The following SLC24A3 variants were observed in gnomAD, a reference collection of about 807,000 sequenced individuals.
SLC24A3 encodes the protein sodium/potassium/calcium exchanger 3.
SLC24A3 carries 28 observed loss-of-function variants against 75.8 expected under a neutral mutation model. That is an observed-to-expected ratio of 0.37 (90% CI 0.27 to 0.51). The LOEUF (loss-of-function observed/expected upper bound fraction) is 0.51. Among genes scored for constraint, SLC24A3 ranks in the 20% least tolerant of loss-of-function variants. The pLI is 0.94. For synonymous variants in SLC24A3, 372 were observed against 334.1 expected (o/e 1.11, Z -1.24); for missense variants, 663 against 847.8 (o/e 0.78, Z 2.71).
intron 2 of SLC24A3, among the ~76,000 whole-genome samples, chr20:19,514,145 T>A (rs2029937458): frequency 6.6e-6 from 1 of 152,174 alleles, no homozygotes; most frequent in East Asian, 1.9e-4. Context: ...CAGTGACCGA[T>A]GGCTTGTGTC....
At chr20:19,267,339 A>C (rs1393506383) in intron 1 of SLC24A3, among the ~76,000 whole-genome samples, 1 of 152,226 alleles carries the variant, frequency 6.6e-6, no homozygotes, top group African/African-American at 2.4e-5. Flanking sequence ...AATGGAAGAA[A>C]AGCACTATGG....
In SLC24A3 at chr20:19,608,277, T is replaced by A. The variant is rs1483470090; in HGVS notation, c.612+22733T>A. On this transcript the variant is annotated intron_variant, in intron 6 of 16. Coordinates refer to ENST00000328041, the MANE Select transcript of SLC24A3 (RefSeq NM_020689.4). ...TGGTATTTGCTTTCTTTGGTGATGA[T>A]GATATGGAGTAAGAGTGTATAGAAA... 2.0e-5 allele frequency among the ~76,000 whole-genome samples: 3 copies of A among 152,352 alleles called. No individual in the cohort carries two copies. The East Asian group carries it at 5.8e-4, about 29-fold the overall frequency.
chr20:19,291,536 G>A (rs1983941623), intron 2 of SLC24A3, among the ~76,000 whole-genome samples: 1 of 152,244 alleles, frequency 6.6e-6, no homozygotes. Context: ...ATAGGTACAT[G>A]TCTAGGCTAT....
intron 1 of SLC24A3, among the ~76,000 whole-genome samples, chr20:19,257,243 T>G (rs1318847957): frequency 6.6e-6 from 1 of 152,218 alleles, no homozygotes; most frequent in African/African-American, 2.4e-5. Context: ...CCTGCCTCCG[T>G]AAGCAGCCTG....
chr20:19,630,671 T>C (rs1041456191), intron 6 of SLC24A3, among the ~76,000 whole-genome samples: 1 of 152,240 alleles, frequency 6.6e-6, no homozygotes, highest in Non-Finnish European at 1.5e-5. Flanking sequence ...CAGCAATATA[T>C]AACCTCATTT....
rs190328218 is a variant in SLC24A3, at chr20:19,247,259, T to C, written c.143-33700T>C. ...CATTGCCTGGTGAGTGAGCCTTCCA[T>C]TTTAGGTACAGAAAGAATTCTGTGT... On this transcript the variant is annotated intron_variant, in intron 1 of 16. Transcript: ENST00000328041. 9.2e-5 allele frequency among the ~76,000 whole-genome samples: 14 copies of C among 152,308 alleles called. No individual in the cohort carries two copies. In the East Asian group the frequency reaches 2.7e-3, roughly 29 times the overall value.
intron 3 of SLC24A3, among the ~76,000 whole-genome samples, chr20:19,532,123 C>T (rs1227230749): frequency 6.6e-6 from 1 of 152,176 alleles, no homozygotes; most frequent in Non-Finnish European, 1.5e-5. Context: ...GAGCAGTGGA[C>T]ATGTTGTTTG....
intron 9 of SLC24A3, among the ~76,000 whole-genome samples, chr20:19,676,599 A>T (rs1232898921): frequency 1.3e-5 from 2 of 152,390 alleles, no homozygotes; most frequent in Non-Finnish European, 2.9e-5. Context: ...AATTAAAAAT[A>T]TAAAACAGCA....
intron 12 of SLC24A3, among the ~76,000 whole-genome samples, chr20:19,690,030 C>CAAAAAAAA (rs538406361): frequency 9.1e-5 from 8 of 87,794 alleles, no homozygotes; most frequent in Non-Finnish European, 1.4e-4. Flanking sequence ...GACTCTGTCT[C>CAAAAAAAA]AAAAAAAAAA....
intron 6 of SLC24A3, among the ~76,000 whole-genome samples, chr20:19,639,746 T>C (rs1381661199): frequency 6.6e-6 from 1 of 152,206 alleles, no homozygotes; most frequent in Admixed American, 6.5e-5. Context: ...GGCTCAGGCA[T>C]GGCGGGCTGC....
chr20:19,678,726 G>GGCTGCACTCTGGGCACTTT, intron 9 of SLC24A3, among the ~76,000 whole-genome samples: 1 of 150,238 alleles, frequency 6.7e-6, no homozygotes, highest in African/African-American at 2.5e-5. Flanking sequence ...GCCGGGCGGA[G>GGCTGCACTCTGGGCACTTT]GGGCTCCTCA....
At chr20:19,604,453 G>T (rs1483200344) in intron 6 of SLC24A3, among the ~76,000 whole-genome samples, 1 of 152,360 alleles carries the variant, frequency 6.6e-6, no homozygotes, top group Admixed American at 6.5e-5. Flanking sequence ...ATGCTGGAGA[G>T]CAGGGTCCTG....
intron 6 of SLC24A3, among the ~76,000 whole-genome samples, chr20:19,647,202 A>T (rs546587405): frequency 1.3e-5 from 2 of 152,036 alleles, no homozygotes; most frequent in Non-Finnish European, 2.9e-5. Flanking sequence ...CCCCACTAGG[A>T]TGGAGTCCCA....
At chr20:19,346,077 A>ATGGTGTGTGTGTGTGTGTG (rs201204507) in intron 2 of SLC24A3, among the ~76,000 whole-genome samples, 2 of 60,298 alleles carry the variant, frequency 3.3e-5, no homozygotes, top group African/African-American at 3.1e-4. Context: ...ATATATATAT[A>ATGGTGTGTGTGTGTGTGTG]TATATATATA....
At chr20:19,573,118 A>G (rs748912583) in intron 3 of SLC24A3, among the ~76,000 whole-genome samples, 3 of 152,174 alleles carry the variant, frequency 2.0e-5, no homozygotes, top group Non-Finnish European at 4.4e-5. Flanking sequence ...AGTGCAGATG[A>G]TGTAGTAAAA....
At chr20:19,674,393 C>T (rs1176300211) in intron 9 of SLC24A3, among the ~76,000 whole-genome samples, 1 of 152,198 alleles carries the variant, frequency 6.6e-6, no homozygotes, top group Non-Finnish European at 1.5e-5. Flanking sequence ...GCAGCCAGAG[C>T]TGCCATCATG....
intron 1 of SLC24A3, among the ~76,000 whole-genome samples, chr20:19,240,384 G>A (rs1982297517): frequency 6.6e-6 from 1 of 152,182 alleles, no homozygotes; most frequent in Non-Finnish European, 1.5e-5. Flanking sequence ...GCTCTGAATT[G>A]TGAGTTTGCA....
chr20:19,281,914 G>A (rs1483473407), intron 2 of SLC24A3, among the ~76,000 whole-genome samples: 1 of 152,192 alleles, frequency 6.6e-6, no homozygotes, highest in African/African-American at 2.4e-5. Context: ...GTGGGATGGA[G>A]TAGGTCTGTA....
intron 3 of SLC24A3, among the ~76,000 whole-genome samples, chr20:19,550,096 G>T (rs1349302335): frequency 6.6e-6 from 1 of 152,156 alleles, no homozygotes; most frequent in Admixed American, 6.5e-5. Context: ...AAGTGTGTTT[G>T]GGAGAAATAC....
Sources: allele counts gnomAD v4.1 joint callset (sites outside exome capture counted in the v4.1 genomes callset), GRCh38; gene constraint gnomAD v4.1.1; transcripts MANE v1.5; gene names NCBI Gene and HGNC (gene_info 2026-07-23, HGNC 2026-07-21).